LINGO2: variants seen among roughly 807,000 people sequenced by gnomAD.
LINGO2 encodes the protein leucine-rich repeat and immunoglobulin-like domain-containing nogo receptor-interacting protein 2.
Under a neutral mutation model 30.6 loss-of-function variants are expected in LINGO2, and 14 were observed. That is an observed-to-expected ratio of 0.46 (90% CI 0.30 to 0.72). The LOEUF is 0.72. Ranked by LOEUF, LINGO2 falls within the 30% of genes least tolerant of loss-of-function variation. The pLI is 0.07. For missense variants in LINGO2, 729 were observed against 751.7 expected, an observed-to-expected ratio of 0.97 and a Z score of 0.35; for synonymous variants, 317 against 288.5, an observed-to-expected ratio of 1.10 and a Z score of -1.00.
chr9:28,714,198 C>CAT, the LINGO2 span, among the ~76,000 whole-genome samples: 18,767 of 63,966 alleles, frequency 0.29, 1,871 homozygotes, highest in Admixed American at 0.43. Flanking sequence ...TACACACATA[C>CAT]ACACACACAC....
intron 3 of LINGO2, among the ~76,000 whole-genome samples, chr9:28,307,306 T>A (rs1402321927): frequency 6.6e-6 from 1 of 152,120 alleles, no homozygotes; most frequent in Admixed American, 6.5e-5. Flanking sequence ...ATCCAGCACA[T>A]AAACAGAACC....
At chr9:28,319,796 T>G (rs1041432784) in intron 3 of LINGO2, among the ~76,000 whole-genome samples, 25 of 152,282 alleles carry the variant, frequency 1.6e-4, no homozygotes, top group African/African-American at 5.1e-4. Flanking sequence ...GGGATTATAC[T>G]GCTGTGTGCA....
chr9:28,857,896 A>AT, the LINGO2 span, among the ~76,000 whole-genome samples: 2 of 151,848 alleles, frequency 1.3e-5, no homozygotes, highest in Admixed American at 1.3e-4. Flanking sequence ...ATTTCTTTTA[A>AT]TTTTTTTAAT....
At chr9:28,797,355 TATATAG>T in the LINGO2 span, among the ~76,000 whole-genome samples, 163 of 59,288 alleles carry the variant, frequency 2.7e-3, no homozygotes, top group African/African-American at 6.8e-3. Context: ...TATATATATA[TATATAG>T]AGAGAGAGAG....
At chr9:28,058,521 C>T (rs1023890093) in intron 4 of LINGO2, among the ~76,000 whole-genome samples, 1 of 152,120 alleles carries the variant, frequency 6.6e-6, no homozygotes, top group Non-Finnish European at 1.5e-5. Flanking sequence ...TGGACTTACA[C>T]TAAATAAATG....
At chr9:28,490,206 T>C (rs1373791562) in intron 1 of LINGO2, among the ~76,000 whole-genome samples, 1 of 152,052 alleles carries the variant, frequency 6.6e-6, no homozygotes, top group African/African-American at 2.4e-5. Flanking sequence ...AAACTTCAAG[T>C]TCCAATACAA....
chr9:28,292,843 TCACTG>T (rs1254805397), intron 4 of LINGO2, among the ~76,000 whole-genome samples: 1 of 151,954 alleles, frequency 6.6e-6, no homozygotes, highest in African/African-American at 2.4e-5. Flanking sequence ...CGATCTCGGT[TCACTG>T]CAAGCTCTGC....
intron 4 of LINGO2, among the ~76,000 whole-genome samples, chr9:28,244,363 T>A (rs7026701): frequency 0.33 from 50,829 of 151,766 alleles, 8,607 homozygotes; most frequent in East Asian, 0.42. Flanking sequence ...AATGCCCACA[T>A]CAGAAAGCTA....
chr9:28,437,558 C>G lies in LINGO2; in HGVS notation c.-279+38382G>C, dbSNP rs926022984. Among the ~76,000 whole-genome samples, 6 of 148,656 alleles carry G rather than the reference C, an allele frequency of 4.0e-5. No individual in the cohort carries two copies. In the East Asian group the frequency reaches 1.2e-3, roughly 29 times the overall value. Reference sequence around the variant, plus strand: ...ACATATACACACAGACGCACACACACACACACACACACACACACAGACGCG... The same window carrying G: ...ACATATACACACAGACGCACACACAGACACACACACACACACACAGACGCG... On this transcript the variant is annotated intron_variant, in intron 2 of 5. Transcript: ENST00000379992.
the LINGO2 span, among the ~76,000 whole-genome samples, chr9:29,064,105 A>G: frequency 0.022 from 3,326 of 152,262 alleles, 119 homozygotes; most frequent in African/African-American, 0.075. Context: ...TGGTTAAATA[A>G]TATCAATAAT....
chr9:28,253,221 C>T (rs1296947847), intron 4 of LINGO2, among the ~76,000 whole-genome samples: 6 of 152,050 alleles, frequency 3.9e-5, no homozygotes, highest in Non-Finnish European at 8.8e-5. Flanking sequence ...TATTAGAGTA[C>T]AGTTTCATTA....
the LINGO2 span, among the ~76,000 whole-genome samples, chr9:28,774,314 G>T: frequency 6.6e-6 from 1 of 152,114 alleles, no homozygotes; most frequent in Non-Finnish European, 1.5e-5. Context: ...TAGCAAAAAA[G>T]AAAGAGGATT....
chr9:28,433,524 A>T (rs1412318223), intron 2 of LINGO2, among the ~76,000 whole-genome samples: 1 of 152,110 alleles, frequency 6.6e-6, no homozygotes, highest in Non-Finnish European at 1.5e-5. Context: ...TTTAAGACAT[A>T]TTTCTGAAAG....
intron 4 of LINGO2, among the ~76,000 whole-genome samples, chr9:28,242,557 A>G (rs1821838640): frequency 6.6e-6 from 1 of 152,176 alleles, no homozygotes; most frequent in South Asian, 2.1e-4. Context: ...ACTTCAGGAT[A>G]TTATCCAGGA....
At chr9:28,660,121 A>G (rs922535173) in intron 1 of LINGO2, among the ~76,000 whole-genome samples, 2 of 152,142 alleles carry the variant, frequency 1.3e-5, no homozygotes, top group Non-Finnish European at 2.9e-5. Context: ...AATTGCATGT[A>G]AAATAATTGT....
intron 2 of LINGO2, among the ~76,000 whole-genome samples, chr9:28,448,713 A>C (rs188225360): frequency 6.0e-4 from 91 of 152,190 alleles, no homozygotes; most frequent in Non-Finnish European, 1.0e-3. Flanking sequence ...ATCATAAAGA[A>C]CAGACAGCTT....
At chr9:28,251,639 T>G (rs1401789637) in intron 4 of LINGO2, among the ~76,000 whole-genome samples, 1 of 152,154 alleles carries the variant, frequency 6.6e-6, no homozygotes, top group Non-Finnish European at 1.5e-5. Context: ...TATTCAAAAA[T>G]AGAACTGTTT....
At chr9:28,429,036 G>C (rs960486820) in intron 2 of LINGO2, among the ~76,000 whole-genome samples, 1 of 152,060 alleles carries the variant, frequency 6.6e-6, no homozygotes, top group African/African-American at 2.4e-5. Context: ...AAAGCATACT[G>C]TTTACTTACA....
At chr9:28,635,642 AT>A (rs1266379925) in intron 1 of LINGO2, among the ~76,000 whole-genome samples, 1 of 152,174 alleles carries the variant, frequency 6.6e-6, no homozygotes, top group Non-Finnish European at 1.5e-5. Flanking sequence ...TAATTACTAA[AT>A]AAGGTTTAAT....
Sources: allele counts gnomAD v4.1 joint callset (sites outside exome capture counted in the v4.1 genomes callset), GRCh38; gene constraint gnomAD v4.1.1; transcripts MANE v1.5; gene names NCBI Gene and HGNC (gene_info 2026-07-23, HGNC 2026-07-21).